SDCCAG8: variants seen among roughly 807,000 people sequenced by gnomAD.
SDCCAG8 encodes SHH signaling and ciliogenesis regulator SDCCAG8, also known as serologically defined colon cancer antigen 8.
In SDCCAG8, 74 loss-of-function variants were observed where a neutral mutation model predicts 101.8. The observed-to-expected ratio is 0.73, with a 90% confidence interval of 0.60 to 0.88. The LOEUF (loss-of-function observed/expected upper bound fraction) is 0.88, where lower values mean the gene tolerates loss of function less well. Among genes scored for constraint, SDCCAG8 ranks in the 40% least tolerant of loss-of-function variants. The pLI, the probability that SDCCAG8 is intolerant of heterozygous loss-of-function variation, is 0.00. For missense variants in SDCCAG8, 787 were observed against 822.6 expected (o/e 0.96, Z 0.53); for synonymous variants, 281 against 292.9 (o/e 0.96, Z 0.41).
At chr1:243,324,459 CTTTTTTTTTTT>C (rs34446782) in intron 9 of SDCCAG8, among the ~76,000 whole-genome samples, 2 of 87,018 alleles carry the variant, frequency 2.3e-5, no homozygotes, top group Admixed American at 3.6e-4. Context: ...TCTTCACATG[CTTTTTTTTTTT>C]TTTTTTTTTT....
At chr1:243,349,887 A>G (rs922890950) in intron 12 of SDCCAG8, among the ~76,000 whole-genome samples, 1 of 151,180 alleles carries the variant, frequency 6.6e-6, no homozygotes, top group Non-Finnish European at 1.5e-5. Flanking sequence ...TGTGGCTACT[A>G]CTGAGTAGAA....
At chr1:243,467,861 C>G (rs1412767989) in intron 16 of SDCCAG8, among the ~76,000 whole-genome samples, 1 of 152,218 alleles carries the variant, frequency 6.6e-6, no homozygotes, top group Admixed American at 6.5e-5. Context: ...AGTGTTCATA[C>G]ACATGTATGA....
chr1:243,279,356 G>A (rs2068836058), intron 4 of SDCCAG8, among the ~76,000 whole-genome samples: 1 of 152,188 alleles, frequency 6.6e-6, no homozygotes, highest in Non-Finnish European at 1.5e-5. Context: ...AGTTGAAAAT[G>A]CATTGAATAT....
chr1:243,316,723 T>A, intron 8 of SDCCAG8, 32 bp from the exon 9 acceptor site: 1 of 1,613,962 alleles, frequency 6.2e-7, no homozygotes, highest in Non-Finnish European at 8.5e-7. Context: ...TTTGATCATT[T>A]CTTGTTTTGA....
Position 243,316,839 on chromosome 1 carries a change from AC to A in SDCCAG8, c.1015del (p.Gln339ArgfsTer2). 6.2e-7 allele frequency: 1 copy of A among 1,614,248 alleles called. No individual in the cohort carries two copies. The highest frequency in any genetic ancestry group is 8.5e-7 in the Non-Finnish European group (1 of 1,180,042). ...TQQREASAYE[Q>X]VKQVLQISEE... ...AGCAAAGAGAAGCAAGTGCTTATGA[AC>A]AGGTGAAACAAGTTTTGCAAATATC... On this transcript the variant is annotated frameshift_variant, in exon 9 of 18. Coordinates refer to ENST00000366541, the MANE Select transcript of SDCCAG8 (RefSeq NM_006642.5). LOFTEE classifies it high-confidence loss of function.
chr1:243,386,009 T>C (rs958292501), intron 13 of SDCCAG8, among the ~76,000 whole-genome samples: 6 of 152,198 alleles, frequency 3.9e-5, no homozygotes, highest in Non-Finnish European at 8.8e-5. Flanking sequence ...CGTCTTAGTA[T>C]CTGCGTGGTA....
chr1:243,351,009 C>T (rs576915322), intron 12 of SDCCAG8, among the ~76,000 whole-genome samples: 1 of 152,318 alleles, frequency 6.6e-6, no homozygotes, highest in African/African-American at 2.4e-5. Flanking sequence ...CCGTTCTATT[C>T]TCTGCTTTGT....
At chr1:243,290,277 G>C (rs2070111410) in intron 5 of SDCCAG8, among the ~76,000 whole-genome samples, 1 of 147,666 alleles carries the variant, frequency 6.8e-6, no homozygotes, top group Admixed American at 6.9e-5. Context: ...AACATACTTA[G>C]GTTTTTAAAA....
At chr1:243,338,457 C>T (rs1356398075) in intron 10 of SDCCAG8, among the ~76,000 whole-genome samples, 2 of 149,816 alleles carry the variant, frequency 1.3e-5, no homozygotes, top group African/African-American at 4.9e-5. Flanking sequence ...GTGTGGGAAG[C>T]TGTCGGAGAA....
chr1:243,293,173 A>G lies in SDCCAG8; in HGVS notation c.629A>G (p.Asn210Ser), dbSNP rs775273268. 10 of 1,614,176 alleles carry G rather than the reference A, an allele frequency of 6.2e-6. No individual in the cohort carries two copies. The highest frequency in any genetic ancestry group is 1.1e-5 in the South Asian group (1 of 91,086). ...TCCAAAAGACCATTTTCCCATGACA[A>G]TGCAGATTTTGGCAAAGCTGCATCT... ...ETSKRPFSHD[N>S]ADFGKAASAG... The change falls in exon 6 of 18, where the codon AAT becomes AGT. Residue 210 changes from asparagine (N) to serine (S), a missense_variant. Transcript: ENST00000366541.
chr1:243,410,058 A>G lies in SDCCAG8; in HGVS notation c.1617-5644A>G, dbSNP rs73120305. The stretch of plus-strand genomic sequence containing the variant: ...ACAGAGAGGAAAGGAGTAACTTTAC[A>G]GTAGAGAGGCCTGGGACAGCTCACC... On this transcript the variant is annotated intron_variant, in intron 13 of 17. Transcript: ENST00000366541. Among the ~76,000 whole-genome samples the G allele has an allele frequency of 9.7e-3, 1,480 of 152,296 alleles. 31 individuals are homozygous for G. Among genetic ancestry groups the G allele is most frequent in the African/African-American group, 0.034 (1,419 of 41,556 alleles).
chr1:243,418,030 T>G lies in SDCCAG8; in HGVS notation c.1807T>G (p.Cys603Gly). The stretch of plus-strand genomic sequence containing the variant: ...ATTTTTGACAAAGTTAAAGGAAGAA[T>G]GCTGTACATTAGCCAAGAAACTGGA... ...NTFLTKLKEE[C>G]CTLAKKLEQI... The change falls in exon 15 of 18, where the codon TGC (cysteine) becomes GGC (glycine). Residue 603 changes from cysteine to glycine, a missense_variant. Physicochemically the swap from Cys to Gly is radical, Grantham distance 159. Transcript: ENST00000366541. The G allele has an allele frequency of 1.2e-6, 2 of 1,613,224 alleles. No individual in the cohort carries two copies. Among genetic ancestry groups the G allele is most frequent in the Non-Finnish European group, 1.7e-6 (2 of 1,179,404 alleles).
At chr1:243,462,414 T>A (rs1659302761) in intron 16 of SDCCAG8, among the ~76,000 whole-genome samples, 1 of 152,258 alleles carries the variant, frequency 6.6e-6, no homozygotes, top group Admixed American at 6.5e-5. Flanking sequence ...AGGGGCTGTG[T>A]GGCTGTGAAG....
chr1:243,310,933 A>C (rs2072661339), intron 8 of SDCCAG8, among the ~76,000 whole-genome samples: 1 of 152,206 alleles, frequency 6.6e-6, no homozygotes, highest in African/African-American at 2.4e-5. Flanking sequence ...AACAAGATTG[A>C]TAATTTCAAG....
intron 1 of SDCCAG8, among the ~76,000 whole-genome samples, chr1:243,258,895 A>G (rs1360541580): frequency 6.6e-6 from 1 of 152,156 alleles, no homozygotes; most frequent in Non-Finnish European, 1.5e-5. Context: ...TCTACCCACC[A>G]TTACTTCCCC....
chr1:243,359,990 C>T (rs1480127963), intron 12 of SDCCAG8, among the ~76,000 whole-genome samples: 1 of 152,036 alleles, frequency 6.6e-6, no homozygotes, highest in African/African-American at 2.4e-5. Context: ...AATGGTATCT[C>T]ATTGTGGTTT....
At chr1:243,336,394 A>G (rs1448022907) in intron 10 of SDCCAG8, among the ~76,000 whole-genome samples, 5 of 152,144 alleles carry the variant, frequency 3.3e-5, no homozygotes, top group Admixed American at 2.0e-4. Context: ...CTGTTCTCGC[A>G]CTGCTATAAA....
chr1:243,353,564 T>C (rs1003247206), intron 12 of SDCCAG8, among the ~76,000 whole-genome samples: 1 of 145,302 alleles, frequency 6.9e-6, no homozygotes, highest in Admixed American at 7.0e-5. Flanking sequence ...ATTTATTTGG[T>C]TAGAAGGTTC....
In SDCCAG8 at chr1:243,489,361, C is replaced by T. The variant is rs192557098; in HGVS notation, c.2112+221C>T. Among the ~76,000 whole-genome samples, 436 of 152,324 alleles carry T rather than the reference C, an allele frequency of 2.9e-3. 4 individuals are homozygous for T. The highest frequency in any genetic ancestry group is 6.8e-3 in the Middle Eastern group (2 of 292). ...GTTAAAGTCCGTGCAGGTGAACAGA[C>T]CCCGGCCCGCGAATCAACGAACCAC... On this transcript the variant is annotated intron_variant, in intron 17 of 17. Transcript: ENST00000366541.
Sources: gnomAD v4.1 joint callset for allele counts (sites outside exome capture counted in the v4.1 genomes callset) on GRCh38, gnomAD v4.1.1 for gene constraint, MANE v1.5 for transcripts, NCBI Gene and HGNC (gene_info 2026-07-23, HGNC 2026-07-21) for gene names.